FBXW4: variants seen among roughly 807,000 people sequenced by gnomAD.
FBXW4 encodes F-box/WD repeat-containing protein 4.
Under a neutral mutation model 61.8 loss-of-function variants are expected in FBXW4, and 40 were observed. That is an observed-to-expected ratio of 0.65 (90% CI 0.50 to 0.84). The LOEUF is 0.84. Ranked by LOEUF, FBXW4 falls within the 40% of genes least tolerant of loss-of-function variation. The pLI is 0.00. For synonymous variants in FBXW4, 311 were observed against 313.8 expected (o/e 0.99, Z 0.10); for missense variants, 672 against 753.8 (o/e 0.89, Z 1.27).
intron 1 of FBXW4, among the ~76,000 whole-genome samples, chr10:101,679,537 A>G (rs2064450538): frequency 6.6e-6 from 1 of 152,228 alleles, no homozygotes; most frequent in African/African-American, 2.4e-5. Flanking sequence ...AATCACTTTA[A>G]TTAGTGCTAT....
At chr10:101,614,468 T>C (rs1009365249) in intron 6 of FBXW4, among the ~76,000 whole-genome samples, 17 of 151,936 alleles carry the variant, frequency 1.1e-4, no homozygotes, top group African/African-American at 4.1e-4. Context: ...CTGGAAAATG[T>C]CATGGCCGTA....
intron 1 of FBXW4, among the ~76,000 whole-genome samples, chr10:101,693,690 T>C (rs1487517852): frequency 6.6e-6 from 1 of 152,168 alleles, no homozygotes; most frequent in East Asian, 1.9e-4. Flanking sequence ...CCTTCCTATT[T>C]AACAGTTTAA....
At chr10:101,684,920 G>C (rs2064519024) in intron 1 of FBXW4, among the ~76,000 whole-genome samples, 1 of 152,166 alleles carries the variant, frequency 6.6e-6, no homozygotes, top group South Asian at 2.1e-4. Context: ...ATGAGGACAA[G>C]ACCATGCACA....
At position 101,625,026 on chromosome 10, in the gene FBXW4, C is replaced by T. The variant is rs140917838; in HGVS notation, c.1236-216G>A. 1.4e-3 allele frequency: 860 copies of T among 604,514 alleles called. 10 individuals carry two copies. The African/African-American group carries it at 0.014, about 10-fold the overall frequency. The allele number at this position is 604,514 out of a possible 1,614,324, so 37.4% of individuals were successfully genotyped here. On this transcript the variant is annotated intron_variant, in intron 5 of 8. Coordinates refer to ENST00000331272, the MANE Select transcript of FBXW4 (RefSeq NM_022039.4). The stretch of plus-strand genomic sequence containing the variant: ...CAGTGGTGCCTGGCCAGAAGACCCA[C>T]GAGCTCAGCCACAGCTGGGCCTGCT...
intron 6 of FBXW4, 76 bp from the exon 7 acceptor site, chr10:101,612,553 G>C (rs2063796877): frequency 7.3e-7 from 1 of 1,368,124 alleles, no homozygotes; most frequent in African/African-American, 1.5e-5. Context: ...GAAGGCATCA[G>C]ACCTTGGGGA....
chr10:101,656,905 AC>A (rs2064190025), intron 5 of FBXW4, among the ~76,000 whole-genome samples: 1 of 151,948 alleles, frequency 6.6e-6, no homozygotes, highest in Non-Finnish European at 1.5e-5. Flanking sequence ...CCCAACTGGC[AC>A]CCCACCTGTC....
intron 6 of FBXW4, 96 bp from the exon 7 acceptor site, chr10:101,612,573 T>C (rs2063796989): frequency 1.8e-5 from 24 of 1,299,128 alleles, no homozygotes; most frequent in Non-Finnish European, 2.4e-5. Flanking sequence ...AAATGTTCTC[T>C]TTCCTCAGCT....
chr10:101,632,666 G>C (rs1223324428), intron 5 of FBXW4, among the ~76,000 whole-genome samples: 1 of 152,154 alleles, frequency 6.6e-6, no homozygotes, highest in African/African-American at 2.4e-5. Flanking sequence ...TCATCCTATT[G>C]AATTTAATAA....
chr10:101,618,859 C>G (rs757773525), intron 6 of FBXW4, among the ~76,000 whole-genome samples: 9 of 151,872 alleles, frequency 5.9e-5, no homozygotes, highest in African/African-American at 7.3e-5. Flanking sequence ...CTCAGGGCAC[C>G]AGTGCTAGGT....
At chr10:101,642,366 C>T (rs997959550) in intron 5 of FBXW4, among the ~76,000 whole-genome samples, 17 of 148,190 alleles carry the variant, frequency 1.1e-4, no homozygotes, top group Middle Eastern at 3.4e-3. Context: ...ACCTGGCCAA[C>T]ATAGCGGGAC....
chr10:101,694,220 C>G lies in FBXW4; in HGVS notation c.725+161G>C. On this transcript the variant is annotated intron_variant, in intron 1 of 8. Transcript: ENST00000331272. This position sits in a 1 kb window ranked among gnomAD's most constrained non-coding sequence, Gnocchi z 6.0. ...CCTTGGGGAGGAGGGGCAAAGGGGT[C>G]CCCGAGAGTGCTCGGGAAAGGGTGT... 6.6e-6 allele frequency among the ~76,000 whole-genome samples: 1 copy of G among 152,108 alleles called. No homozygotes were observed. Among genetic ancestry groups the G allele is most frequent in the Non-Finnish European group, 1.5e-5 (1 of 67,992 alleles).
chr10:101,624,999 C>T, intron 5 of FBXW4, 189 bp from the exon 6 acceptor site: 1 of 651,564 alleles, frequency 1.5e-6, no homozygotes. Flanking sequence ...GGGTGTAGCC[C>T]CCAGTGGTGC....
intron 1 of FBXW4, among the ~76,000 whole-genome samples, chr10:101,681,628 A>G (rs1357240593): frequency 6.7e-6 from 1 of 149,598 alleles, no homozygotes; most frequent in African/African-American, 2.4e-5. Flanking sequence ...GAGGTAGGAG[A>G]ATGGCATGAA....
intron 5 of FBXW4, among the ~76,000 whole-genome samples, chr10:101,642,470 C>T (rs1310940577): frequency 2.0e-5 from 3 of 151,948 alleles, no homozygotes; most frequent in Admixed American, 6.6e-5. Flanking sequence ...CAGGCAGCCA[C>T]TATGCAGAGC....
rs183499375 is a variant in FBXW4 at position 101,684,373 on chromosome 10, G to A, written c.726-7937C>T. ...GATCTCCTGACCTTGTGATCCACCC[G>A]CCTTAGCCTCCCAAAGTGCTGGGAT... is the stretch of plus-strand genomic sequence containing the variant. On this transcript the variant is annotated intron_variant, in intron 1 of 8. Transcript: ENST00000331272. Among the ~76,000 whole-genome samples, 274 of 152,292 alleles carry A rather than the reference G, an allele frequency of 1.8e-3. 1 individual carries two copies. Among genetic ancestry groups the A allele is most frequent in the African/African-American group, 6.1e-3 (255 of 41,564 alleles).
At chr10:101,626,702 C>T (rs2063909782) in intron 5 of FBXW4, 1 of 152,276 alleles carries the variant, frequency 6.6e-6, no homozygotes, top group Non-Finnish European at 1.5e-5. Context: ...GCTCGCCAGT[C>T]TGGTCTCGAT....
chr10:101,640,836 C>T (rs1200096262), intron 5 of FBXW4, among the ~76,000 whole-genome samples: 2 of 148,174 alleles, frequency 1.3e-5, no homozygotes, highest in Admixed American at 6.8e-5. Flanking sequence ...CTTCCCCCAC[C>T]CCCGCCTTTT....
intron 5 of FBXW4, among the ~76,000 whole-genome samples, chr10:101,642,436 T>C (rs867832888): frequency 6.6e-6 from 1 of 151,056 alleles, no homozygotes; most frequent in South Asian, 2.1e-4. Context: ...GAGCCTCAGG[T>C]TCCTCTGAAG....
chr10:101,675,588 T>A (rs1471181584), intron 2 of FBXW4, among the ~76,000 whole-genome samples: 1 of 152,184 alleles, frequency 6.6e-6, no homozygotes, highest in Non-Finnish European at 1.5e-5. Context: ...GCAAACTGGA[T>A]GCAAGCAGGA....
Sources: allele counts gnomAD v4.1 joint callset (sites outside exome capture counted in the v4.1 genomes callset), GRCh38; gene constraint gnomAD v4.1.1; non-coding constraint Gnocchi (gnomAD v3.1); transcripts MANE v1.5; gene names NCBI Gene and HGNC (gene_info 2026-07-23, HGNC 2026-07-21).